Variants in GRIN2B observed in about 807,000 individuals in gnomAD.
The protein encoded by GRIN2B is glutamate receptor ionotropic, NMDA 2B.
A neutral mutation model predicts 114.5 loss-of-function variants in GRIN2B; 5 were observed. That is an observed-to-expected ratio of 0.04 (90% confidence interval 0.02 to 0.09). The LOEUF is 0.09. GRIN2B is among the 10% of genes least tolerant of loss of function. The probability of loss-of-function intolerance (pLI) is 1.00; values close to 1 mark genes in which losing one functional copy is unlikely to be tolerated. For synonymous variants in GRIN2B, 787 were observed against 745.1 expected, an observed-to-expected ratio of 1.06 and a Z score of -0.92; for missense variants, 1,108 against 1,943.5, an observed-to-expected ratio of 0.57 and a Z score of 8.08.
intron 2 of GRIN2B, among the ~76,000 whole-genome samples, chr12:13,877,983 G>C (rs1866014645): frequency 7.0e-6 from 1 of 143,398 alleles, no homozygotes; most frequent in Admixed American, 7.4e-5. Flanking sequence ...AGAATTGCTT[G>C]AACCTGGGAG....
chr12:13,890,829 C>T (rs1866247282), intron 2 of GRIN2B, among the ~76,000 whole-genome samples: 1 of 152,130 alleles, frequency 6.6e-6, no homozygotes, highest in Non-Finnish European at 1.5e-5. Context: ...AAGGCAGAGT[C>T]CTTTGAGCAC....
chr12:13,648,707 G>A (rs911252508), intron 5 of GRIN2B, among the ~76,000 whole-genome samples: 3 of 151,814 alleles, frequency 2.0e-5, no homozygotes, highest in Non-Finnish European at 4.4e-5. Flanking sequence ...CAAGCAGAAG[G>A]CAATCACAGG....
rs973764493 is a variant in GRIN2B, at chr12:13,542,130, C to T, written c.*20653G>A. On this transcript the variant is annotated 3_prime_UTR_variant, in exon 14 of 14. Coordinates refer to ENST00000609686, the MANE Select transcript of GRIN2B (RefSeq NM_000834.5). ...AAAGACTTTCATTCATTTCCATGCTCCTGTCCCACTGTTTCTGTCACAAAA... is the reference window on the plus strand; with the variant it reads ...AAAGACTTTCATTCATTTCCATGCTTCTGTCCCACTGTTTCTGTCACAAAA... 2.6e-5 allele frequency: 4 copies of T among 152,186 alleles called. No individual in the cohort carries two copies. The highest frequency in any genetic ancestry group is 4.8e-5 in the African/African-American group (2 of 41,436). 9.4% of individuals were successfully genotyped at this position (152,186 alleles called of 1,614,324 possible).
chr12:13,955,499 G>T (rs1416027561), intron 2 of GRIN2B, among the ~76,000 whole-genome samples: 4 of 152,124 alleles, frequency 2.6e-5, no homozygotes, highest in Non-Finnish European at 5.9e-5. Context: ...AACCTGTGAG[G>T]CATTCAAATT....
At chr12:13,721,138 A>G (rs945203537) in intron 4 of GRIN2B, among the ~76,000 whole-genome samples, 2 of 152,022 alleles carry the variant, frequency 1.3e-5, no homozygotes, top group Non-Finnish European at 1.5e-5. Context: ...GGCAATATGA[A>G]AAACATGCCA....
At chr12:13,820,641 T>G (rs1367580863) in intron 3 of GRIN2B, among the ~76,000 whole-genome samples, 1 of 152,216 alleles carries the variant, frequency 6.6e-6, no homozygotes, top group Non-Finnish European at 1.5e-5. Context: ...TATAGTACAA[T>G]GCTTGGCCTA....
At chr12:13,827,534 A>C (rs915884227) in intron 3 of GRIN2B, among the ~76,000 whole-genome samples, 1 of 152,118 alleles carries the variant, frequency 6.6e-6, no homozygotes, top group East Asian at 1.9e-4. Context: ...TACAATGCCT[A>C]ATCTACCATT....
chr12:13,952,955 C>T (rs978534630), intron 2 of GRIN2B, among the ~76,000 whole-genome samples: 1 of 151,028 alleles, frequency 6.6e-6, no homozygotes, highest in Non-Finnish European at 1.5e-5. Context: ...CTCACAAATT[C>T]TGAGGGTTAG....
chr12:13,954,390 A>G (rs964424822), intron 2 of GRIN2B, among the ~76,000 whole-genome samples: 3 of 152,328 alleles, frequency 2.0e-5, no homozygotes, highest in African/African-American at 7.2e-5. Context: ...GAGCCAGCAC[A>G]TCCGGTTAAT....
intron 2 of GRIN2B, among the ~76,000 whole-genome samples, chr12:13,935,526 G>C (rs1334059430): frequency 6.6e-6 from 1 of 152,170 alleles, no homozygotes; most frequent in African/African-American, 2.4e-5. Flanking sequence ...CAAACTGCCT[G>C]GGTTTGAATT....
chr12:13,947,702 G>A (rs1360831544), intron 2 of GRIN2B, among the ~76,000 whole-genome samples: 1 of 152,118 alleles, frequency 6.6e-6, no homozygotes, highest in Admixed American at 6.5e-5. Context: ...AGTGGCTGTT[G>A]ATCTGATAGG....
intron 2 of GRIN2B, among the ~76,000 whole-genome samples, chr12:13,871,770 T>A (rs911864782): frequency 2.6e-5 from 4 of 150,974 alleles, no homozygotes; most frequent in Non-Finnish European, 4.4e-5. Flanking sequence ...ATAACATATA[T>A]AATAGAAATT....
At chr12:13,856,016 C>A (rs1239581211) in intron 3 of GRIN2B, among the ~76,000 whole-genome samples, 1 of 152,128 alleles carries the variant, frequency 6.6e-6, no homozygotes. Flanking sequence ...GTTAACAAGA[C>A]AGGTTACAAT....
At chr12:13,969,864 G>T (rs1049304893) in intron 2 of GRIN2B, among the ~76,000 whole-genome samples, 5 of 152,190 alleles carry the variant, frequency 3.3e-5, no homozygotes, top group Admixed American at 6.5e-5. Context: ...GGTTGAGAAG[G>T]TAACCATGAT....
At chr12:13,794,749 C>T (rs1430637572) in intron 3 of GRIN2B, among the ~76,000 whole-genome samples, 5 of 152,226 alleles carry the variant, frequency 3.3e-5, no homozygotes, top group Admixed American at 6.5e-5. Flanking sequence ...CTTCTCTACT[C>T]GCCAAGCCTC....
At chr12:13,671,557 C>A (rs1370749141) in intron 5 of GRIN2B, among the ~76,000 whole-genome samples, 4 of 152,156 alleles carry the variant, frequency 2.6e-5, no homozygotes, top group Non-Finnish European at 5.9e-5. Context: ...GCTGGTCACA[C>A]ATGTATGACT....
Position 13,866,071 on chromosome 12 carries a change from G to A in GRIN2B, c.138C>T (p.Asp46=), listed in dbSNP as rs200527066. 2.7e-5 allele frequency: 43 copies of A among 1,613,946 alleles called. No individual in the cohort carries two copies. Among genetic ancestry groups the A allele is most frequent in the African/African-American group, 1.2e-4 (9 of 74,912 alleles). Residue 46 remains aspartate (D), a synonymous_variant, in exon 3 of 14, where the codon GAC becomes GAT. Transcript: ENST00000609686. The part of the protein sequence containing the change: ...GIAVILVGTS[D]EVAIKDAHEK... ...CGTGGGCATCCTTGATGGCCACCTC[G>A]TCGGAAGTGCCCACGAGGATGACAG...
intron 2 of GRIN2B, among the ~76,000 whole-genome samples, chr12:13,939,542 G>GA (rs1242890505): frequency 4.3e-5 from 2 of 46,734 alleles, no homozygotes; most frequent in African/African-American, 1.3e-4. Flanking sequence ...CCTGCACCGT[G>GA]CTTTTTTTTT....
At chr12:13,939,543 C>CT (rs59671145) in intron 2 of GRIN2B, among the ~76,000 whole-genome samples, 44,054 of 87,900 alleles carry the variant, frequency 0.5, 11,236 homozygotes, top group Middle Eastern at 0.56. Flanking sequence ...CTGCACCGTG[C>CT]TTTTTTTTTT....
Sources: allele counts gnomAD v4.1 joint callset (sites outside exome capture counted in the v4.1 genomes callset), GRCh38; gene constraint gnomAD v4.1.1; transcripts MANE v1.5; gene names NCBI Gene and HGNC (gene_info 2026-07-23, HGNC 2026-07-21).